The following RPS6KC1 variants were observed in gnomAD, a reference collection of about 807,000 sequenced individuals.
The protein encoded by RPS6KC1 is inactive ribosomal protein S6 kinase delta-1.
In RPS6KC1, 54 loss-of-function variants were observed where a neutral mutation model predicts 103.8. The ratio of observed to expected loss-of-function variants is 0.52; its 90% CI spans 0.42 to 0.65. The LOEUF is 0.65. Among genes scored for constraint, RPS6KC1 ranks in the 30% least tolerant of loss-of-function variants. The probability of loss-of-function intolerance (pLI) is 0.00; values close to 1 mark genes in which losing one functional copy is unlikely to be tolerated. For missense variants in RPS6KC1, 1,151 were observed against 1,253.8 expected (o/e 0.92, Z 1.24); for synonymous variants, 439 against 438.7 (o/e 1.00, Z -0.01).
chr1:213,572,941 C>T, the RPS6KC1 span, among the ~76,000 whole-genome samples: 2 of 152,090 alleles, frequency 1.3e-5, no homozygotes, highest in Admixed American at 6.5e-5. Flanking sequence ...CTCTTTCTCT[C>T]TTTCTTTTTT....
Position 213,051,294 on chromosome 1 carries a change from C to A in RPS6KC1, c.-111C>A. 2.7e-6 allele frequency: 2 copies of A among 750,308 alleles called. No individual in the cohort carries two copies. The highest frequency in any genetic ancestry group is 4.7e-5 in the Admixed American group (2 of 42,202). 46.5% of individuals were successfully genotyped at this position (750,308 alleles called of 1,614,324 possible). The stretch of plus-strand genomic sequence containing the variant: ...GCGCCGCCGTGGAGCCGCCTTGGAG[C>A]CACCGCCCCCTCGCCGCTTCGCCGC... On this transcript the variant is annotated 5_prime_UTR_variant, in exon 1 of 15. Coordinates refer to ENST00000366960, the MANE Select transcript of RPS6KC1 (RefSeq NM_012424.6).
intron 14 of RPS6KC1, among the ~76,000 whole-genome samples, chr1:213,271,933 T>C (rs572487451): frequency 6.6e-6 from 1 of 151,750 alleles, no homozygotes. Context: ...AACCACAAAA[T>C]TTTTTTTTAC....
the RPS6KC1 span, among the ~76,000 whole-genome samples, chr1:213,767,380 A>T: frequency 2.6e-5 from 4 of 152,090 alleles, no homozygotes; most frequent in African/African-American, 9.7e-5. Context: ...ATATGTATAT[A>T]TATATAGCCA....
At chr1:213,065,138 G>C (rs2078210869) in intron 1 of RPS6KC1, among the ~76,000 whole-genome samples, 1 of 150,838 alleles carries the variant, frequency 6.6e-6, no homozygotes, top group Admixed American at 6.6e-5. Context: ...TACCGTGCCT[G>C]GCTAAGTTTT....
At chr1:213,071,103 T>C in intron 2 of RPS6KC1, 62 bp downstream of exon 2, 3 of 990,386 alleles carry the variant, frequency 3.0e-6, no homozygotes, top group South Asian at 1.5e-5. Flanking sequence ...AATGCTTTTT[T>C]GAGGAAATTG....
the RPS6KC1 span, among the ~76,000 whole-genome samples, chr1:213,300,013 G>A: frequency 5.3e-5 from 8 of 152,152 alleles, no homozygotes; most frequent in Admixed American, 6.5e-5. Context: ...CACCGTGTTC[G>A]CCAGGATAGT....
intron 3 of RPS6KC1, among the ~76,000 whole-genome samples, chr1:213,102,906 G>C (rs1469647664): frequency 6.6e-6 from 1 of 152,074 alleles, no homozygotes; most frequent in Non-Finnish European, 1.5e-5. Context: ...CCACTGTTAA[G>C]ATTTCCTGTT....
chr1:213,392,072 CT>C, the RPS6KC1 span, among the ~76,000 whole-genome samples: 1 of 152,098 alleles, frequency 6.6e-6, no homozygotes, highest in East Asian at 1.9e-4. Context: ...GGAGTTGTGC[CT>C]TTTGGTGAAT....
chr1:213,461,520 C>T, the RPS6KC1 span, among the ~76,000 whole-genome samples: 1 of 152,198 alleles, frequency 6.6e-6, no homozygotes, highest in South Asian at 2.1e-4. Context: ...TGCTACCTGA[C>T]TTTAAACTAT....
At chr1:213,789,238 C>G in the RPS6KC1 span, among the ~76,000 whole-genome samples, 3 of 152,186 alleles carry the variant, frequency 2.0e-5, no homozygotes, top group Non-Finnish European at 4.4e-5. Flanking sequence ...CTCTTCTAGA[C>G]AGTAAGAGCC....
chr1:213,601,968 C>G, the RPS6KC1 span, among the ~76,000 whole-genome samples: 1 of 54,042 alleles, frequency 1.9e-5, no homozygotes, highest in African/African-American at 5.9e-5. Context: ...CCCTCCCTCC[C>G]TCCCTTCCTT....
chr1:213,472,696 G>T, the RPS6KC1 span, among the ~76,000 whole-genome samples: 1 of 152,102 alleles, frequency 6.6e-6, no homozygotes, highest in Non-Finnish European at 1.5e-5. Flanking sequence ...TAGGTTTTGG[G>T]CCCCAGGAGA....
At chr1:213,300,113 C>CT in the RPS6KC1 span, among the ~76,000 whole-genome samples, 2 of 152,174 alleles carry the variant, frequency 1.3e-5, no homozygotes, top group African/African-American at 4.8e-5. Flanking sequence ...CCGCTAAATT[C>CT]TTTTTTTCAG....
the RPS6KC1 span, among the ~76,000 whole-genome samples, chr1:213,710,922 G>A: frequency 3.9e-5 from 6 of 152,230 alleles, no homozygotes; most frequent in African/African-American, 1.4e-4. Flanking sequence ...TGGATAACCC[G>A]ACCTTTCTCT....
chr1:213,081,049 T>A (rs189557973), intron 3 of RPS6KC1, among the ~76,000 whole-genome samples: 8 of 152,348 alleles, frequency 5.3e-5, no homozygotes, highest in Admixed American at 5.2e-4. Flanking sequence ...CACATTTTAG[T>A]TTGCTAAATA....
At chr1:213,626,495 C>T in the RPS6KC1 span, among the ~76,000 whole-genome samples, 2 of 152,100 alleles carry the variant, frequency 1.3e-5, no homozygotes, top group East Asian at 3.9e-4. Flanking sequence ...ACATGAAGTC[C>T]TTGCCCATGC....
the RPS6KC1 span, among the ~76,000 whole-genome samples, chr1:213,289,253 CAAAAAAAAAA>C: frequency 2.6e-5 from 2 of 77,096 alleles, no homozygotes; most frequent in Non-Finnish European, 4.6e-5. Flanking sequence ...GTTGGATGCT[CAAAAAAAAAA>C]AAAAAAAAAA....
At chr1:213,765,591 A>G in the RPS6KC1 span, among the ~76,000 whole-genome samples, 3 of 152,154 alleles carry the variant, frequency 2.0e-5, no homozygotes, top group African/African-American at 7.2e-5. Context: ...TCATAGACTC[A>G]TAATATTTGT....
chr1:213,320,289 G>A, the RPS6KC1 span, among the ~76,000 whole-genome samples: 2 of 152,190 alleles, frequency 1.3e-5, no homozygotes, highest in African/African-American at 4.8e-5. Context: ...TATTTATCAC[G>A]AAGAGAACTG....
Sources: gnomAD v4.1 joint callset for allele counts (sites outside exome capture counted in the v4.1 genomes callset) on GRCh38, gnomAD v4.1.1 for gene constraint, MANE v1.5 for transcripts, NCBI Gene and HGNC (gene_info 2026-07-23, HGNC 2026-07-21) for gene names.